Variants in INPP1 observed in about 807,000 individuals in gnomAD.
INPP1 encodes the protein inositol polyphosphate 1-phosphatase.
A neutral mutation model predicts 23.0 loss-of-function variants in INPP1; 18 were observed. The ratio of observed to expected loss-of-function variants is 0.78; its 90% CI spans 0.54 to 1.16. INPP1 has a LOEUF of 1.16. Ranked by LOEUF, INPP1 falls within the 50% of genes most tolerant of loss-of-function variation. The pLI, the probability that INPP1 is intolerant of heterozygous loss-of-function variation, is 0.00. For synonymous variants in INPP1, 164 were observed against 176.3 expected, an observed-to-expected ratio of 0.93 and a Z score of 0.55; for missense variants, 448 against 482.1, an observed-to-expected ratio of 0.93 and a Z score of 0.66.
Position 190,369,132 on chromosome 2 carries a change from G to A in INPP1, c.496G>A (p.Ala166Thr), listed in dbSNP as rs1411258506. 2 of 1,603,254 alleles carry A rather than the reference G, an allele frequency of 1.2e-6. No individual in the cohort carries two copies. Among genetic ancestry groups the A allele is most frequent in the African/African-American group, 2.7e-5 (2 of 74,676 alleles). Residue 166 changes from alanine to threonine, a missense_variant, in exon 6 of 7, where the codon GCT becomes ACT. Transcript: ENST00000392329. Reference protein sequence around the residue: ...DSTYQYIKGSADIKSNQGIFP... With the variant: ...DSTYQYIKGSTDIKSNQGIFP... ...AACTTATCAGTATATAAAAGGTTCT[G>A]CTGACATTAAATCCAACCAGGGAAT...
intron 6 of INPP1, among the ~76,000 whole-genome samples, chr2:190,370,424 A>C (rs1689777738): frequency 6.6e-6 from 1 of 152,256 alleles, no homozygotes; most frequent in Non-Finnish European, 1.5e-5. Context: ...AATGAAAAGG[A>C]GTTACCAAAT....
chr2:190,360,225 G>T lies in INPP1; in HGVS notation c.123G>T (p.Lys41Asn), dbSNP rs1396639710. The T allele has an allele frequency of 6.2e-7, 1 of 1,614,202 alleles. No individual in the cohort carries two copies. ...LLIEEKKEGE[K>N]NKKFAVDFKT... ...TCGAAGAAAAGAAAGAGGGAGAAAA[G>T]AACAAGAAGTTTGCAGTTGACTTCA... Residue 41 changes from lysine (K) to asparagine (N), a missense_variant, in exon 3 of 7, where the codon AAG (lysine) becomes AAT (asparagine). Coordinates refer to ENST00000392329, the MANE Select transcript of INPP1 (RefSeq NM_001128928.2).
Position 190,371,100 on chromosome 2 carries a change from G to A in INPP1, c.898G>A (p.Gly300Ser), listed in dbSNP as rs1426524942. The change falls in exon 7 of 7, where the codon GGC (glycine) becomes AGC (serine). Residue 300 changes from glycine to serine, a missense_variant. Transcript: ENST00000392329. The surrounding 1 kb of genome is among the most constrained non-coding windows in gnomAD (Gnocchi z 5.3). ...TTATAAGAGCCTATGTGTTGTCCAA[G>A]GCCTCGTTGACATTTACATCTTTTC... ...AGYKSLCVVQ[G>S]LVDIYIFSED... 6.2e-7 allele frequency: 1 copy of A among 1,614,198 alleles called. No homozygotes were observed. Among genetic ancestry groups the A allele is most frequent in the South Asian group, 1.1e-5 (1 of 91,084 alleles).
At chr2:190,348,535 A>C (rs1050943205) in intron 1 of INPP1, among the ~76,000 whole-genome samples, 1 of 152,178 alleles carries the variant, frequency 6.6e-6, no homozygotes, top group Admixed American at 6.5e-5. Flanking sequence ...ATACCCATTA[A>C]ACAATGACTC....
At chr2:190,361,435 T>C (rs1192627708) in intron 3 of INPP1, among the ~76,000 whole-genome samples, 1 of 152,238 alleles carries the variant, frequency 6.6e-6, no homozygotes, top group Non-Finnish European at 1.5e-5. Context: ...ATGAAATCTC[T>C]ACAAACTATA....
chr2:190,344,622 T>A (rs970387215), intron 1 of INPP1, among the ~76,000 whole-genome samples: 1 of 152,162 alleles, frequency 6.6e-6, no homozygotes, highest in African/African-American at 2.4e-5. Context: ...TGGAAAAAAA[T>A]ATTTAACCTG....
At chr2:190,365,561 C>T (rs185861442) in intron 4 of INPP1, among the ~76,000 whole-genome samples, 2 of 152,282 alleles carry the variant, frequency 1.3e-5, no homozygotes, top group East Asian at 3.9e-4. Context: ...AACTGGGATA[C>T]AAAATTGTGC....
rs962860054 is a variant in INPP1 at position 190,355,807 on chromosome 2, A to G, written c.-64-4232A>G. On this transcript the variant is annotated intron_variant, in intron 2 of 6. Coordinates refer to ENST00000392329, the MANE Select transcript of INPP1 (RefSeq NM_001128928.2). This position sits in a 1 kb window ranked among gnomAD's most constrained non-coding sequence, Gnocchi z 5.1. ...TACTTTTTAAAAAATCATCTACTTC[A>G]TCACGCAGTTATCAAGCCTAGTACC... is the stretch of plus-strand genomic sequence containing the variant. Among the ~76,000 whole-genome samples the G allele has an allele frequency of 3.3e-5, 5 of 152,344 alleles. No individual in the cohort carries two copies. In the South Asian group the frequency reaches 1.0e-3, roughly 32 times the overall value.
intron 4 of INPP1, among the ~76,000 whole-genome samples, chr2:190,365,997 C>A (rs1205584446): frequency 4.0e-5 from 1 of 24,732 alleles, no homozygotes; most frequent in South Asian, 8.1e-4. Context: ...CGCTCTCTCT[C>A]GCTCTCTCGC....
In INPP1 at chr2:190,350,808, T is replaced by C. The variant is rs899602068; in HGVS notation, c.-65+1777T>C. 3.9e-5 allele frequency among the ~76,000 whole-genome samples: 6 copies of C among 152,228 alleles called. No individual in the cohort carries two copies. In the South Asian group the frequency reaches 1.0e-3, roughly 26 times the overall value. ...TCACAAAACCAAATTAAACTCACTA[T>C]TTTGAGTGATTTAATTAAATTAATC... On this transcript the variant is annotated intron_variant, in intron 2 of 6. Coordinates refer to ENST00000392329, the MANE Select transcript of INPP1 (RefSeq NM_001128928.2).
intron 2 of INPP1, among the ~76,000 whole-genome samples, chr2:190,349,314 G>C (rs1250208486): frequency 2.0e-5 from 3 of 152,176 alleles, no homozygotes; most frequent in African/African-American, 7.2e-5. Context: ...GCATGCACCT[G>C]TAGTCCCAGC....
Position 190,370,897 on chromosome 2 carries a change from C to G in INPP1, c.695C>G (p.Ser232Ter). 1 of 1,614,150 alleles carries G rather than the reference C, an allele frequency of 6.2e-7. No homozygotes were observed. The highest frequency in any genetic ancestry group is 8.5e-7 in the Non-Finnish European group (1 of 1,180,018). The change falls in exon 7 of 7, where the codon TCA becomes TGA. Residue 232 changes from serine to a stop codon, truncating the protein, a stop_gained. Coordinates refer to ENST00000392329, the MANE Select transcript of INPP1 (RefSeq NM_001128928.2). LOFTEE classifies it low-confidence loss of function (END_TRUNC). ...TCTTACATGGGGACCAACATGCATT[C>G]ACTACAGCTCACCATCTCTAGAAGA... ...GLSYMGTNMHSLQLTISRRNG... is the reference protein window; with the variant it reads ...GLSYMGTNMH
Position 190,367,935 on chromosome 2 carries a change from CT to C in INPP1, c.466+1048del, listed in dbSNP as rs1400183740. Among the ~76,000 whole-genome samples, 2 of 151,834 alleles carry C rather than the reference CT, an allele frequency of 1.3e-5. No individual in the cohort carries two copies. Among genetic ancestry groups the C allele is most frequent in the Non-Finnish European group, 1.5e-5 (1 of 67,946 alleles). ...AATAATTTTAATAAGCTCCCCCTTCCTTTTTTTTCTTCCCCACCCAACACAA... is the reference window on the plus strand; with the variant it reads ...AATAATTTTAATAAGCTCCCCCTTCCTTTTTTTCTTCCCCACCCAACACAA... On this transcript the variant is annotated intron_variant, in intron 5 of 6. Transcript: ENST00000392329. The surrounding 1 kb of genome is among the most constrained non-coding windows in gnomAD (Gnocchi z 4.1).
At chr2:190,353,484 A>G (rs1416474366) in intron 2 of INPP1, among the ~76,000 whole-genome samples, 1 of 152,224 alleles carries the variant, frequency 6.6e-6, no homozygotes, top group Admixed American at 6.5e-5. Context: ...CCAACCTCTT[A>G]CTTTCTCAAG....
In INPP1 at chr2:190,346,404, T is replaced by G. The variant is rs940544817; in HGVS notation, c.-209+2443T>G. 7.2e-5 allele frequency among the ~76,000 whole-genome samples: 11 copies of G among 152,336 alleles called. No homozygotes were observed. Among genetic ancestry groups the G allele is most frequent in the African/African-American group, 2.6e-4 (11 of 41,580 alleles). ...GATGAGGCCACTCATTTAGGAAATC[T>G]GAAACTTTTATATTTTTTTCTGGTC... On this transcript the variant is annotated intron_variant, in intron 1 of 6. Coordinates refer to ENST00000392329, the MANE Select transcript of INPP1 (RefSeq NM_001128928.2). This position sits in a 1 kb window ranked among gnomAD's most constrained non-coding sequence, Gnocchi z 5.1.
intron 2 of INPP1, among the ~76,000 whole-genome samples, chr2:190,349,717 T>C (rs191743828): frequency 1.2e-3 from 181 of 147,788 alleles, no homozygotes; most frequent in Non-Finnish European, 1.5e-3. Context: ...AACTTAAGCA[T>C]ATACTGTAGT....
Position 190,350,081 on chromosome 2 carries a change from G to T in INPP1, c.-65+1050G>T, listed in dbSNP as rs545792493. ...GCTGGCCTTGAACTCCTGACCTCAGGTGATCCACCCACCTCAGCCTCCCAA... is the reference window on the plus strand; with the variant it reads ...GCTGGCCTTGAACTCCTGACCTCAGTTGATCCACCCACCTCAGCCTCCCAA... On this transcript the variant is annotated intron_variant, in intron 2 of 6. Transcript: ENST00000392329. Among the ~76,000 whole-genome samples, 8 of 152,332 alleles carry T rather than the reference G, an allele frequency of 5.3e-5. No individual in the cohort carries two copies. In the South Asian group the frequency reaches 1.7e-3, roughly 32 times the overall value.
rs1689795696 is a variant in INPP1, at chr2:190,371,169, A to G, written c.967A>G (p.Ile323Val). The G allele has an allele frequency of 3.1e-6, 5 of 1,614,198 alleles. No homozygotes were observed. The highest frequency in any genetic ancestry group is 1.1e-5 in the South Asian group (1 of 91,082). The change falls in exon 7 of 7, where the codon ATA becomes GTA. Residue 323 changes from isoleucine to valine, a missense_variant. Coordinates refer to ENST00000392329, the MANE Select transcript of INPP1 (RefSeq NM_001128928.2). The surrounding 1 kb of genome is among the most constrained non-coding windows in gnomAD (Gnocchi z 5.3). ...FKWDSCAAHA[I>V]LRAMGGGIVD... ...ATGGGACTCTTGTGCTGCTCATGCC[A>G]TACTGAGGGCCATGGGTGGGGGAAT...
rs3791810 is a variant in INPP1 at position 190,350,768 on chromosome 2, A to G, written c.-65+1737A>G. On this transcript the variant is annotated intron_variant, in intron 2 of 6. Coordinates refer to ENST00000392329, the MANE Select transcript of INPP1 (RefSeq NM_001128928.2). Reference sequence around the variant, plus strand: ...TAAATAAAAGATTCACATATACCATATTTAATATCTTTTCTCACAAAACCA... The same window carrying G: ...TAAATAAAAGATTCACATATACCATGTTTAATATCTTTTCTCACAAAACCA... 0.022 allele frequency among the ~76,000 whole-genome samples: 3,275 copies of G among 152,316 alleles called. 221 individuals carry two copies. The East Asian group carries it at 0.22, about 10-fold the overall frequency.
Sources: allele counts gnomAD v4.1 joint callset (sites outside exome capture counted in the v4.1 genomes callset), GRCh38; gene constraint gnomAD v4.1.1; non-coding constraint Gnocchi (gnomAD v3.1); transcripts MANE v1.5; gene names NCBI Gene and HGNC (gene_info 2026-07-23, HGNC 2026-07-21).